The following GSE1 variants were observed in gnomAD, a reference collection of about 807,000 sequenced individuals.
The protein encoded by GSE1 is Gse1 coiled-coil protein, also known as genetic suppressor element 1.
A neutral mutation model predicts 112.6 loss-of-function variants in GSE1; 32 were observed. The observed-to-expected ratio is 0.28, with a 90% CI of 0.21 to 0.38. The LOEUF is 0.38. Among genes scored for constraint, GSE1 ranks in the 10% least tolerant of loss-of-function variants. The pLI, the probability that GSE1 is intolerant of heterozygous loss-of-function variation, is 1.00. For synonymous variants in GSE1, 1,115 were observed against 735.6 expected, an observed-to-expected ratio of 1.52 and a Z score of -8.35; for missense variants, 2,348 against 1,699.2, an observed-to-expected ratio of 1.38 and a Z score of -6.71.
intron 2 of GSE1, among the ~76,000 whole-genome samples, chr16:85,414,128 A>G (rs982281509): frequency 1.2e-4 from 18 of 152,284 alleles, no homozygotes; most frequent in African/African-American, 4.3e-4. Flanking sequence ...GAGGGTGTGC[A>G]CAGCTGGCAC....
chr16:85,441,677 A>C (rs1176365037), intron 2 of GSE1, among the ~76,000 whole-genome samples: 1 of 152,128 alleles, frequency 6.6e-6, no homozygotes, highest in Admixed American at 6.5e-5. Flanking sequence ...AAAACAAAAC[A>C]TAGGACATTT....
At chr16:85,249,030 G>A (rs117959684) in intron 1 of GSE1, among the ~76,000 whole-genome samples, 1,910 of 152,298 alleles carry the variant, frequency 0.013, 20 homozygotes, top group Non-Finnish European at 0.02. Context: ...GCTCCCAGGC[G>A]ATGTCTTCAG....
chr16:85,502,566 C>T (rs981691209), intron 2 of GSE1, among the ~76,000 whole-genome samples: 1 of 152,204 alleles, frequency 6.6e-6, no homozygotes, highest in East Asian at 1.9e-4. Flanking sequence ...GCCAAGGCCT[C>T]CACCTGGTGG....
intron 2 of GSE1, among the ~76,000 whole-genome samples, chr16:85,418,183 T>C (rs929524073): frequency 6.6e-6 from 1 of 152,202 alleles, no homozygotes; most frequent in Non-Finnish European, 1.5e-5. Context: ...AGGGCCACAT[T>C]GCGAGTCACC....
intron 1 of GSE1, among the ~76,000 whole-genome samples, chr16:85,587,701 C>G (rs1381076174): frequency 1.3e-5 from 2 of 152,072 alleles, no homozygotes; most frequent in African/African-American, 4.8e-5. Flanking sequence ...CTCTCCTGCC[C>G]CAGCTGTTCC....
At chr16:85,247,375 T>C (rs1905972625) in intron 1 of GSE1, among the ~76,000 whole-genome samples, 1 of 152,140 alleles carries the variant, frequency 6.6e-6, no homozygotes, top group African/African-American at 2.4e-5. Context: ...CACTGGGAGA[T>C]CCTCAGAGCT....
exon 1 of GSE1, chr16:85,170,477 C>G (rs578182204): frequency 4.4e-4 from 434 of 985,594 alleles, no homozygotes; most frequent in Middle Eastern, 3.6e-3. Context: ...GGCTTCTGCA[C>G]CTCCGAGGAC....
rs747184046 is a variant in GSE1, at chr16:85,507,065, C to T, written c.2465-126849C>T. Among the ~76,000 whole-genome samples, 8 of 152,134 alleles carry T rather than the reference C, an allele frequency of 5.3e-5. No individual in the cohort carries two copies. In the East Asian group the frequency reaches 5.8e-4, roughly 11 times the overall value. ...AACCGTGTGGGGTTGCGGTTTCTCC[C>T]GAGCATGTCGTGGTGACATATTTGG... On this transcript the variant is annotated intron_variant, in intron 2 of 2. Coordinates refer to the GSE1 transcript ENST00000637419.
intron 2 of GSE1, among the ~76,000 whole-genome samples, chr16:85,472,618 C>A (rs2050329812): frequency 6.6e-6 from 1 of 152,222 alleles, no homozygotes; most frequent in African/African-American, 2.4e-5. Flanking sequence ...CCCGGCACAG[C>A]TCCAAGTTCA....
intron 1 of GSE1, among the ~76,000 whole-genome samples, chr16:85,565,786 G>C (rs1382935153): frequency 1.3e-5 from 2 of 152,240 alleles, no homozygotes. Context: ...CAAAGCCTGA[G>C]AGAAGGTGTG....
At position 85,294,483 on chromosome 16, in the gene GSE1, T is replaced by C. The variant is rs60835261; in HGVS notation, c.2284-62980T>C. ...GGGAGGTTGGTTCCAGGTTCTGCTA[T>C]TACAGATGCTGCCCAGGCTGTTCTT... On this transcript the variant is annotated intron_variant, in intron 1 of 2. Transcript: ENST00000637419. 7.3e-3 allele frequency among the ~76,000 whole-genome samples: 1,111 copies of C among 152,296 alleles called. 16 individuals carry two copies. The highest frequency in any genetic ancestry group is 0.025 in the African/African-American group (1,058 of 41,536).
chr16:85,459,209 T>C (rs570506600), intron 2 of GSE1, among the ~76,000 whole-genome samples: 12 of 152,170 alleles, frequency 7.9e-5, no homozygotes, highest in South Asian at 2.1e-4. Context: ...ACCGTGCCAA[T>C]TGCAAACGCC....
chr16:85,654,514 G>A (rs770342488), intron 4 of GSE1, 64 bp downstream of exon 4: 9 of 1,404,622 alleles, frequency 6.4e-6, no homozygotes, highest in Non-Finnish European at 6.8e-6. Context: ...CAGGGTCTGG[G>A]TCCCCAGGCA....
chr16:85,568,039 T>C (rs1430164291), intron 1 of GSE1, among the ~76,000 whole-genome samples: 1 of 152,108 alleles, frequency 6.6e-6, no homozygotes, highest in African/African-American at 2.4e-5. Flanking sequence ...CTCCACCTCT[T>C]AATGGGGGAA....
At chr16:85,574,755 TCTC>T (rs550981201) in intron 1 of GSE1, among the ~76,000 whole-genome samples, 4 of 152,312 alleles carry the variant, frequency 2.6e-5, no homozygotes, top group South Asian at 4.1e-4. Flanking sequence ...ATTTGGCTGG[TCTC>T]CTCCTGTGCT....
Position 85,656,645 on chromosome 16 carries a change from A to T in GSE1, c.1292A>T (p.Gln431Leu). The T allele has an allele frequency of 6.5e-7, 1 of 1,528,728 alleles. No homozygotes were observed. Among genetic ancestry groups the T allele is most frequent in the Non-Finnish European group, 8.8e-7 (1 of 1,136,244 alleles). 94.7% of individuals were successfully genotyped at this position (1,528,728 alleles called of 1,614,324 possible). The change falls in exon 7 of 16, where the codon CAG becomes CTG. Residue 431 changes from glutamine to leucine, a missense_variant. Physicochemically the swap from Gln to Leu is moderately radical, Grantham distance 113. Coordinates refer to ENST00000253458, the MANE Select transcript of GSE1 (RefSeq NM_014615.5). ...GAGGAGCGGGGCAAGCCCTCGGAGC[A>T]GCTGACCCCAACCCGAGCAGGTACC... The part of the protein sequence containing the change: ...ATEERGKPSE[Q>L]LTPTRAEKLK...
chr16:85,352,695 C>G (rs1167839399), intron 1 of GSE1, among the ~76,000 whole-genome samples: 1 of 152,224 alleles, frequency 6.6e-6, no homozygotes, highest in Non-Finnish European at 1.5e-5. Context: ...ACTTTTGTCT[C>G]CACCTTCAAG....
chr16:85,240,286 C>A (rs1204540139), intron 1 of GSE1, among the ~76,000 whole-genome samples: 4 of 152,242 alleles, frequency 2.6e-5, no homozygotes, highest in Non-Finnish European at 5.9e-5. Flanking sequence ...GCTTCCCCAG[C>A]TGGAATCCCA....
rs118083973 is a variant in GSE1, at chr16:85,221,349, A to G, written c.2283+49542A>G. Among the ~76,000 whole-genome samples the G allele has an allele frequency of 9.1e-3, 1,382 of 151,752 alleles. 9 individuals carry two copies. Among genetic ancestry groups the G allele is most frequent in the Non-Finnish European group, 0.016 (1,061 of 67,844 alleles). On this transcript the variant is annotated intron_variant, in intron 1 of 2. Coordinates refer to the GSE1 transcript ENST00000637419. ...ACACACACACACCCCAAGTACATGC[A>G]CACACACACACCATGTACATATACT...
Sources: gnomAD v4.1 joint callset for allele counts (sites outside exome capture counted in the v4.1 genomes callset) on GRCh38, gnomAD v4.1.1 for gene constraint, MANE v1.5 for transcripts, NCBI Gene and HGNC (gene_info 2026-07-23, HGNC 2026-07-21) for gene names.